Variants in ARMH1 observed in about 807,000 individuals in gnomAD.
ARMH1 encodes armadillo like helical domain containing 1.
In ARMH1, 34 loss-of-function variants were observed where a neutral mutation model predicts 50.2. The observed-to-expected ratio is 0.68, with a 90% CI of 0.51 to 0.90. The LOEUF (loss-of-function observed/expected upper bound fraction) is 0.90. Ranked by LOEUF, ARMH1 falls within the 40% of genes least tolerant of loss-of-function variation. The pLI is 0.00. For missense variants in ARMH1, 538 were observed against 553.9 expected (o/e 0.97, Z 0.29); for synonymous variants, 221 against 224.2 (o/e 0.99, Z 0.13).
At chr1:44,677,842 T>A (rs1645187393) in intron 1 of ARMH1, among the ~76,000 whole-genome samples, 1 of 152,120 alleles carries the variant, frequency 6.6e-6, no homozygotes, top group Admixed American at 6.6e-5. Context: ...GGTATGACCC[T>A]TGAAGTAGTA....
At chr1:44,684,023 G>A (rs1645390954) in intron 1 of ARMH1, among the ~76,000 whole-genome samples, 1 of 151,802 alleles carries the variant, frequency 6.6e-6, no homozygotes, top group Admixed American at 6.6e-5. Flanking sequence ...GAGAGAGAGT[G>A]TGTGAGTGTG....
At chr1:44,692,612 C>T (rs754666137) in intron 2 of ARMH1, among the ~76,000 whole-genome samples, 27 of 152,272 alleles carry the variant, frequency 1.8e-4, no homozygotes, top group Middle Eastern at 3.4e-3. Context: ...TTTAAGTAAA[C>T]ACTGCTCTCT....
intron 6 of ARMH1, among the ~76,000 whole-genome samples, chr1:44,720,726 G>A (rs1299821686): frequency 1.3e-5 from 2 of 152,094 alleles, no homozygotes; most frequent in East Asian, 3.9e-4. Flanking sequence ...AGAATGAGTA[G>A]CAATAGCCAG....
At chr1:44,721,653 T>G (rs1055848739) in intron 6 of ARMH1, 3 of 152,060 alleles carry the variant, frequency 2.0e-5, no homozygotes, top group Non-Finnish European at 2.9e-5. Context: ...TGCTTGAGCA[T>G]GGGAGATGGA....
intron 1 of ARMH1, chr1:44,684,766 A>G (rs778991677): frequency 6.6e-6 from 1 of 152,240 alleles, no homozygotes; most frequent in Non-Finnish European, 1.5e-5. Context: ...TTCTTGCTGC[A>G]TGAAGAGGAA....
chr1:44,677,177 C>T (rs1645166167), intron 1 of ARMH1, among the ~76,000 whole-genome samples: 1 of 152,204 alleles, frequency 6.6e-6, no homozygotes. Context: ...ATTAAAATAG[C>T]AGCACTGGAG....
Position 44,723,469 on chromosome 1 carries a change from C to T in ARMH1, c.725-653C>T, listed in dbSNP as rs529413375. Among the ~76,000 whole-genome samples, 7 of 152,318 alleles carry T rather than the reference C, an allele frequency of 4.6e-5. No individual in the cohort carries two copies. The South Asian group carries it at 1.5e-3, about 32-fold the overall frequency. On this transcript the variant is annotated intron_variant, in intron 6 of 11. Coordinates refer to ENST00000535358, the MANE Select transcript of ARMH1 (RefSeq NM_001145636.2). ...AATGCCCTCCATAAATTCTAGTCCC[C>T]TTCTCCTTCCTAACCAAATCCTCCC...
In ARMH1 at chr1:44,677,799, C is replaced by T. The variant is rs570225525; in HGVS notation, c.-23+2926C>T. ...TTTTTCTGGAGTCTCTAGGTGACAG[C>T]ATGAGGAGGGGCAAAGGCTGAGACA... On this transcript the variant is annotated intron_variant, in intron 1 of 11. Coordinates refer to ENST00000535358, the MANE Select transcript of ARMH1 (RefSeq NM_001145636.2). Among the ~76,000 whole-genome samples, 5 of 152,232 alleles carry T rather than the reference C, an allele frequency of 3.3e-5. No individual in the cohort carries two copies. The East Asian group carries it at 9.6e-4, about 29-fold the overall frequency.
At chr1:44,719,913 G>A (rs957760219) in intron 6 of ARMH1, among the ~76,000 whole-genome samples, 2 of 152,170 alleles carry the variant, frequency 1.3e-5, no homozygotes, top group Non-Finnish European at 2.9e-5. Flanking sequence ...TTGGCCATGG[G>A]GCCAGGTGCA....
chr1:44,674,930 T>A (rs906376736), intron 1 of ARMH1, 57 bp downstream of exon 1: 12 of 150,592 alleles, frequency 8.0e-5, no homozygotes, highest in African/African-American at 3.0e-4. Flanking sequence ...CTCCACCCAG[T>A]GGGGTTGAGG....
chr1:44,712,324 G>A (rs995505241), intron 6 of ARMH1, among the ~76,000 whole-genome samples: 1 of 152,126 alleles, frequency 6.6e-6, no homozygotes, highest in African/African-American at 2.4e-5. Flanking sequence ...CTGGATATGT[G>A]GCAGGAGCCT....
intron 1 of ARMH1, chr1:44,688,220 T>C (rs1645538452): frequency 6.6e-6 from 1 of 152,334 alleles, no homozygotes; most frequent in Non-Finnish European, 1.5e-5. Context: ...ATTCACCTGG[T>C]TCTTAAGGCC....
At chr1:44,712,605 A>G (rs948557426) in intron 6 of ARMH1, among the ~76,000 whole-genome samples, 3 of 148,802 alleles carry the variant, frequency 2.0e-5, no homozygotes, top group Admixed American at 6.7e-5. Flanking sequence ...TTTTAAAATT[A>G]TGTTTTCTTA....
chr1:44,724,984 G>A lies in ARMH1; in HGVS notation c.1128+145G>A. On this transcript the variant is annotated intron_variant, in intron 10 of 11. Transcript: ENST00000535358. This position sits in a 1 kb window ranked among gnomAD's most constrained non-coding sequence, Gnocchi z 6.4. The stretch of plus-strand genomic sequence containing the variant: ...TGCAGGAGGGACTGCTCTGGCGTAG[G>A]CTCCTCCACCCGCCACCTTCCTGTT... The A allele has an allele frequency of 4.7e-6, 7 of 1,501,616 alleles. No individual in the cohort carries two copies. The highest frequency in any genetic ancestry group is 6.2e-6 in the Non-Finnish European group (7 of 1,122,662). 93.0% of individuals were successfully genotyped at this position (1,501,616 alleles called of 1,614,324 possible). A position where few individuals can be genotyped will look rare whatever the true frequency, so the allele number is the denominator to read the frequency against.
At chr1:44,721,616 A>G (rs117787315) in intron 6 of ARMH1, among the ~76,000 whole-genome samples, 1 of 152,254 alleles carries the variant, frequency 6.6e-6, no homozygotes, top group East Asian at 1.9e-4. Flanking sequence ...AAAATTAGAC[A>G]GGCTTATGAG....
At chr1:44,691,190 G>A (rs1486359749) in intron 2 of ARMH1, among the ~76,000 whole-genome samples, 1 of 151,902 alleles carries the variant, frequency 6.6e-6, no homozygotes, top group Admixed American at 6.6e-5. Flanking sequence ...CCCGGGAGGC[G>A]GAGGTTGCAG....
At chr1:44,721,764 T>TA (rs1251515318) in intron 6 of ARMH1, 8 of 152,132 alleles carry the variant, frequency 5.3e-5, no homozygotes, top group African/African-American at 1.4e-4. Flanking sequence ...CCCACACGTC[T>TA]CTCTTTAGTA....
chr1:44,707,123 C>T (rs985099318), intron 6 of ARMH1, among the ~76,000 whole-genome samples: 2 of 150,838 alleles, frequency 1.3e-5, no homozygotes, highest in Non-Finnish European at 2.9e-5. Context: ...CATCAGAGCA[C>T]TGTTCTCTCA....
intron 6 of ARMH1, chr1:44,722,052 A>C (rs1298310377): frequency 6.6e-6 from 1 of 152,146 alleles, no homozygotes; most frequent in Admixed American, 6.6e-5. Context: ...GACAAAGAAA[A>C]AAAGTTTAAA....
Sources: allele counts gnomAD v4.1 joint callset (sites outside exome capture counted in the v4.1 genomes callset), GRCh38; gene constraint gnomAD v4.1.1; non-coding constraint Gnocchi (gnomAD v3.1); transcripts MANE v1.5; gene names NCBI Gene and HGNC (gene_info 2026-07-23, HGNC 2026-07-21).